The following USP4 variants were observed in gnomAD, a reference collection of about 807,000 sequenced individuals.
USP4 encodes the protein ubiquitin specific peptidase 4.
Under a neutral mutation model 118.2 loss-of-function variants are expected in USP4, and 72 were observed. The observed-to-expected ratio is 0.61, with a 90% CI of 0.50 to 0.74. USP4 has a LOEUF of 0.74. USP4 is among the 30% of genes least tolerant of loss of function. The probability of loss-of-function intolerance (pLI) is 0.00; values close to 1 mark genes in which losing one functional copy is unlikely to be tolerated. For missense variants in USP4, 1,037 were observed against 1,185.7 expected (o/e 0.87, Z 1.84); for synonymous variants, 415 against 440.4 (o/e 0.94, Z 0.72).
Position 49,305,878 on chromosome 3 carries a change from T to C in USP4, c.965A>G (p.Asn322Ser). Residue 322 changes from asparagine (N) to serine (S), a missense_variant, in exon 9 of 22, where the codon AAC becomes AGC. This residue lies in a region of USP4 where 487 missense variants were observed against 534.1 expected (regional missense o/e 0.91). Transcript: ENST00000265560. ...FMNSALQCLSNTAPLTDYFLK... is the reference protein window; with the variant it reads ...FMNSALQCLSSTAPLTDYFLK... ...AAAGTAGTCAGTCAGTGGTGCAGTGTTGCTCAAACACTGAAACAGAACATG... is the reference window on the plus strand; with the variant it reads ...AAAGTAGTCAGTCAGTGGTGCAGTGCTGCTCAAACACTGAAACAGAACATG... The C allele has an allele frequency of 6.2e-7, 1 of 1,613,218 alleles. No homozygotes were observed. Among genetic ancestry groups the C allele is most frequent in the Non-Finnish European group, 8.5e-7 (1 of 1,179,602 alleles).
chr3:49,331,241 A>G (rs1034699560), intron 2 of USP4, among the ~76,000 whole-genome samples: 1 of 151,866 alleles, frequency 6.6e-6, no homozygotes, highest in Non-Finnish European at 1.5e-5. Flanking sequence ...AATCGCTTGA[A>G]CCTGGGAGGC....
rs116530070 is a variant in USP4 at position 49,315,681 on chromosome 3, T to C, written c.696-4027A>G. 6.9e-3 allele frequency among the ~76,000 whole-genome samples: 1,052 copies of C among 152,248 alleles called. 7 individuals carry two copies. Among genetic ancestry groups the C allele is most frequent in the African/African-American group, 0.024 (1,004 of 41,556 alleles). ...AAGCCTCTGGACTCCCAGGCACCTT[T>C]CTACTGGTAAGTCCTGCTCCCCAGG... On this transcript the variant is annotated intron_variant, in intron 6 of 21. Coordinates refer to ENST00000265560, the MANE Select transcript of USP4 (RefSeq NM_003363.4).
At position 49,281,491 on chromosome 3, in the gene USP4, TACACACACAC is replaced by T. The variant is rs71077782; in HGVS notation, c.2541-654_2541-645del. Among the ~76,000 whole-genome samples, 1,161 of 126,534 alleles carry T rather than the reference TACACACACAC, an allele frequency of 9.2e-3. 5 individuals are homozygous for T. Among genetic ancestry groups the T allele is most frequent in the Non-Finnish European group, 0.012 (777 of 62,672 alleles). 83.0% of individuals were successfully genotyped at this position (126,534 alleles called of 152,430 possible). A position where few individuals can be genotyped will look rare whatever the true frequency, so the allele number is the denominator to read the frequency against. ...AAAAGTATGTGTATATATATATATA[TACACACACAC>T]ACACACACACACACACACACACACA... On this transcript the variant is annotated intron_variant, in intron 19 of 21. Transcript: ENST00000265560.
At chr3:49,293,465 A>AAAAC (rs145413345) in intron 14 of USP4, 21 of 154,628 alleles carry the variant, frequency 1.4e-4, no homozygotes, top group East Asian at 9.5e-4. Context: ...CCATCTCAAA[A>AAAAC]AAACAAACAA....
intron 13 of USP4, among the ~76,000 whole-genome samples, chr3:49,295,701 T>TGCGCGCGC (rs754642053): frequency 5.0e-4 from 73 of 146,138 alleles, no homozygotes; most frequent in African/African-American, 1.8e-3. Flanking sequence ...TATGCACGTG[T>TGCGCGCGC]GCGCGCGCGC....
At chr3:49,331,836 C>G (rs1450493752) in intron 2 of USP4, among the ~76,000 whole-genome samples, 2 of 151,636 alleles carry the variant, frequency 1.3e-5, no homozygotes, top group African/African-American at 4.8e-5. Context: ...GCCTGTCCTT[C>G]AAGGCTCTGA....
chr3:49,316,472 A>C (rs2047437347), intron 6 of USP4, among the ~76,000 whole-genome samples: 1 of 151,740 alleles, frequency 6.6e-6, no homozygotes, highest in South Asian at 2.1e-4. Context: ...GGTGCATGCC[A>C]CTATGCCTGG....
chr3:49,298,274 C>T (rs1461177508), intron 12 of USP4, among the ~76,000 whole-genome samples: 1 of 152,184 alleles, frequency 6.6e-6, no homozygotes, highest in Non-Finnish European at 1.5e-5. Context: ...GTCTCTATGC[C>T]ACCCTCAGTG....
chr3:49,284,756 C>A, intron 17 of USP4, 93 bp downstream of exon 17: 1 of 1,335,664 alleles, frequency 7.5e-7, no homozygotes, highest in East Asian at 2.3e-5. Context: ...ATATAACTTG[C>A]TAAATTGCTG....
chr3:49,324,595 T>C, intron 6 of USP4, 107 bp downstream of exon 6: 4 of 1,041,072 alleles, frequency 3.8e-6, no homozygotes, highest in South Asian at 1.3e-5. Flanking sequence ...AAAATAGGCA[T>C]TGTTCATCTG....
chr3:49,311,241 C>T (rs558492634), intron 7 of USP4, among the ~76,000 whole-genome samples: 27 of 152,310 alleles, frequency 1.8e-4, no homozygotes, highest in African/African-American at 6.5e-4. Flanking sequence ...CCCATCCCTT[C>T]ATAAACAAAT....
Position 49,284,023 on chromosome 3 carries a change from C to T in USP4, c.2504G>A (p.Arg835Lys). 1 of 1,614,274 alleles carries T rather than the reference C, an allele frequency of 6.2e-7. No individual in the cohort carries two copies. The highest frequency in any genetic ancestry group is 8.5e-7 in the Non-Finnish European group (1 of 1,180,046). ...LKRFSYNRYW[R>K]DKLDTVVEFP... ...TTCTACGACTGTGTCGAGCTTATCC[C>T]TCCAGTATCTGTTGTAGGAGAAACG... Residue 835 changes from arginine (R) to lysine (K), a missense_variant, in exon 19 of 22, where the codon AGG (arginine) becomes AAG (lysine). Arg to Lys is a conservative substitution (Grantham distance 26, BLOSUM62 2). Transcript: ENST00000265560.
intron 17 of USP4, 102 bp downstream of exon 17, chr3:49,284,747 T>C: frequency 7.8e-7 from 1 of 1,285,004 alleles, no homozygotes; most frequent in East Asian, 2.3e-5. Flanking sequence ...CAGTCTTAAA[T>C]ATAACTTGCT....
intron 17 of USP4, 104 bp downstream of exon 17, chr3:49,284,745 A>G (rs1464867676): frequency 7.8e-7 from 1 of 1,288,412 alleles, no homozygotes; most frequent in African/African-American, 1.5e-5. Context: ...CTCAGTCTTA[A>G]ATATAACTTG....
intron 13 of USP4, 143 bp downstream of exon 13, chr3:49,297,727 T>C (rs1298343209): frequency 4.6e-6 from 3 of 654,624 alleles, no homozygotes; most frequent in African/African-American, 3.6e-5. Flanking sequence ...ATGCCCTCAA[T>C]ACCCATCTCT....
rs529702079 is a variant in USP4 at position 49,327,933 on chromosome 3, G to T, written c.230-117C>A. The T allele has an allele frequency of 2.1e-5, 22 of 1,052,794 alleles. No individual in the cohort carries two copies. The African/African-American group carries it at 3.0e-4, about 14-fold the overall frequency. 65.2% of individuals were successfully genotyped at this position (1,052,794 alleles called of 1,614,324 possible). A position where few individuals can be genotyped will look rare whatever the true frequency, so the allele number is the denominator to read the frequency against. ...ATTATTTACAGAAAGAAACAGGAAT[G>T]AAATTCCAAAATTCTGTCACTGGTC... On this transcript the variant is annotated intron_variant, in intron 2 of 21. Coordinates refer to ENST00000265560, the MANE Select transcript of USP4 (RefSeq NM_003363.4).
chr3:49,317,323 A>G (rs1480873706), intron 6 of USP4: 1 of 1,350,170 alleles, frequency 7.4e-7, no homozygotes, highest in Non-Finnish European at 1.0e-6. Context: ...CAGCTGCCTC[A>G]CCTCATTCTG....
chr3:49,305,259 T>C (rs2047302433), intron 9 of USP4, among the ~76,000 whole-genome samples: 1 of 147,278 alleles, frequency 6.8e-6, no homozygotes, highest in East Asian at 2.1e-4. Context: ...TATGTATTTT[T>C]AGTAGAGACG....
chr3:49,284,899 C>G lies in USP4; in HGVS notation c.2221G>C (p.Asp741His). 7 of 1,613,436 alleles carry G rather than the reference C, an allele frequency of 4.3e-6. No homozygotes were observed. The highest frequency in any genetic ancestry group is 5.9e-6 in the Non-Finnish European group (7 of 1,179,700). Residue 741 changes from aspartate to histidine, a missense_variant, in exon 17 of 22, where the codon GAT becomes CAT. Physicochemically the swap from Asp to His is moderately conservative, Grantham distance 81. Around this residue, in one of 3 missense-constraint regions of USP4, gnomAD observed 522 missense variants for 592.6 expected, o/e 0.88. Coordinates refer to ENST00000265560, the MANE Select transcript of USP4 (RefSeq NM_003363.4). Reference protein sequence around the residue: ...KLNSRSTLAMDWDSETRRLYY... With the variant: ...KLNSRSTLAMHWDSETRRLYY... Reference sequence around the variant, plus strand: ...AGTCTCCGAGTTTCACTGTCCCAATCCATGGCCAGTGTAGATCGAGCTGAG... The same window carrying G: ...AGTCTCCGAGTTTCACTGTCCCAATGCATGGCCAGTGTAGATCGAGCTGAG...
Sources: gnomAD v4.1 joint callset for allele counts (sites outside exome capture counted in the v4.1 genomes callset) on GRCh38, gnomAD v4.1.1 for gene constraint, gnomAD v4.1.1 regional missense constraint, MANE v1.5 for transcripts, NCBI Gene and HGNC (gene_info 2026-07-23, HGNC 2026-07-21) for gene names.